The following SERGEF variants were observed in gnomAD, a reference collection of about 807,000 sequenced individuals.
SERGEF encodes secretion regulating guanine nucleotide exchange factor, also known as secretion-regulating guanine nucleotide exchange factor.
SERGEF carries 51 observed loss-of-function variants against 50.0 expected under a neutral mutation model. The observed-to-expected ratio is 1.02, with a 90% CI of 0.81 to 1.29. SERGEF has a LOEUF of 1.29. SERGEF is among the 50% of genes most tolerant of loss of function. SERGEF has a pLI of 0.00. For synonymous variants in SERGEF, 205 were observed against 212.4 expected, an observed-to-expected ratio of 0.97 and a Z score of 0.30; for missense variants, 521 against 557.0, an observed-to-expected ratio of 0.94 and a Z score of 0.65.
At chr11:17,828,362 C>T (rs1379812318) in intron 10 of SERGEF, among the ~76,000 whole-genome samples, 1 of 152,196 alleles carries the variant, frequency 6.6e-6, no homozygotes, top group Non-Finnish European at 1.5e-5. Flanking sequence ...GCACCGGCAG[C>T]AGGAGTCTTT....
intron 9 of SERGEF, among the ~76,000 whole-genome samples, chr11:17,931,631 C>A (rs1287454372): frequency 6.6e-6 from 1 of 152,142 alleles, no homozygotes; most frequent in Non-Finnish European, 1.5e-5. Flanking sequence ...AAACTAGAAC[C>A]CAGTCCATAT....
chr11:17,947,517 C>G (rs993951698), intron 9 of SERGEF, among the ~76,000 whole-genome samples: 4 of 152,202 alleles, frequency 2.6e-5, no homozygotes, highest in Admixed American at 6.5e-5. Flanking sequence ...TTGGGTGGCT[C>G]TGTTTACCTC....
intron 9 of SERGEF, among the ~76,000 whole-genome samples, chr11:17,903,507 T>A (rs566543174): frequency 6.6e-6 from 1 of 152,184 alleles, no homozygotes; most frequent in Non-Finnish European, 1.5e-5. Flanking sequence ...TTACCCTAGA[T>A]AGATTGTAGA....
chr11:17,908,195 C>G (rs1366521605), intron 9 of SERGEF, among the ~76,000 whole-genome samples: 3 of 152,152 alleles, frequency 2.0e-5, no homozygotes, highest in Non-Finnish European at 4.4e-5. Context: ...CCCTCATCAC[C>G]TTCAGAACAA....
intron 10 of SERGEF, among the ~76,000 whole-genome samples, chr11:17,871,082 G>A (rs1851129640): frequency 6.6e-6 from 1 of 152,100 alleles, no homozygotes; most frequent in Non-Finnish European, 1.5e-5. Flanking sequence ...TCACAAAGAA[G>A]ACATAAGAAT....
At chr11:17,831,178 C>T (rs1850301850) in intron 10 of SERGEF, among the ~76,000 whole-genome samples, 1 of 152,318 alleles carries the variant, frequency 6.6e-6, no homozygotes, top group African/African-American at 2.4e-5. Flanking sequence ...CTGTCACCTA[C>T]CTCCAGAGAT....
chr11:17,933,729 T>C (rs1174772793), intron 9 of SERGEF, among the ~76,000 whole-genome samples: 1 of 141,900 alleles, frequency 7.0e-6, no homozygotes, highest in African/African-American at 2.6e-5. Flanking sequence ...AAAAAAAAAA[T>C]GCTGTTTTAA....
chr11:17,924,041 C>T (rs953407152), intron 9 of SERGEF, among the ~76,000 whole-genome samples: 1 of 152,170 alleles, frequency 6.6e-6, no homozygotes, highest in Non-Finnish European at 1.5e-5. Context: ...ATAATAATCT[C>T]TACACCCAAG....
chr11:17,892,548 A>G (rs1402667341), intron 9 of SERGEF, among the ~76,000 whole-genome samples: 3 of 152,212 alleles, frequency 2.0e-5, no homozygotes, highest in Non-Finnish European at 4.4e-5. Context: ...ACATGAACAA[A>G]TAACTGTTTC....
Position 18,002,037 on chromosome 11 carries a change from C to T in SERGEF, c.448-1480G>A, listed in dbSNP as rs539167146. The T allele has an allele frequency of 7.9e-3, 3,585 of 456,196 alleles. 28 individuals carry two copies. Among genetic ancestry groups the T allele is most frequent in the South Asian group, 0.016 (1,057 of 64,536 alleles). The allele number at this position is 456,196 out of a possible 1,614,324, so 28.3% of individuals were successfully genotyped here. The stretch of plus-strand genomic sequence containing the variant: ...GCAGAAAGGGCTGAGCTTTGGCCTT[C>T]CTTCTTCTGGAAACTATACTTCTGT... On this transcript the variant is annotated intron_variant, in intron 4 of 10. Coordinates refer to ENST00000265965, the MANE Select transcript of SERGEF (RefSeq NM_012139.4).
intron 9 of SERGEF, among the ~76,000 whole-genome samples, chr11:17,919,751 G>A (rs964127831): frequency 6.6e-6 from 1 of 152,056 alleles, no homozygotes; most frequent in African/African-American, 2.4e-5. Context: ...CTTTGCACTG[G>A]GACATGCTTC....
chr11:17,913,154 G>A (rs918789752), intron 9 of SERGEF, among the ~76,000 whole-genome samples: 2 of 152,166 alleles, frequency 1.3e-5, no homozygotes, highest in African/African-American at 4.8e-5. Flanking sequence ...GGATGCACTG[G>A]CTACCCGCAG....
intron 9 of SERGEF, among the ~76,000 whole-genome samples, chr11:17,934,142 G>C (rs777956686): frequency 1.3e-5 from 2 of 151,922 alleles, no homozygotes; most frequent in Non-Finnish European, 2.9e-5. Flanking sequence ...TATTGTCCAG[G>C]TATAGATATC....
intron 9 of SERGEF, among the ~76,000 whole-genome samples, chr11:17,941,892 G>C (rs1487883290): frequency 6.6e-6 from 1 of 152,128 alleles, no homozygotes; most frequent in Non-Finnish European, 1.5e-5. Context: ...GGGATGTTGA[G>C]CAACTTTTCA....
chr11:17,901,754 C>A (rs1021088859), intron 9 of SERGEF, among the ~76,000 whole-genome samples: 6 of 152,222 alleles, frequency 3.9e-5, no homozygotes, highest in African/African-American at 1.4e-4. Flanking sequence ...ACCATAACTA[C>A]AGTTCTCATG....
intron 10 of SERGEF, among the ~76,000 whole-genome samples, chr11:17,870,061 C>T (rs1484965580): frequency 6.6e-6 from 1 of 152,184 alleles, no homozygotes; most frequent in Non-Finnish European, 1.5e-5. Context: ...AGTAAATTCT[C>T]ATGAGATCTG....
chr11:17,827,901 A>T (rs1850228962), intron 10 of SERGEF, among the ~76,000 whole-genome samples: 2 of 152,206 alleles, frequency 1.3e-5, no homozygotes, highest in South Asian at 4.1e-4. Flanking sequence ...TTTGTATAAG[A>T]AATGTTTGTG....
intron 5 of SERGEF, chr11:17,999,671 AGACT>A: frequency 2.4e-6 from 1 of 420,774 alleles, no homozygotes; most frequent in South Asian, 1.8e-5. Flanking sequence ...CCTCACACAC[AGACT>A]GTCAGTCCCA....
At chr11:17,828,618 G>A (rs1850243825) in intron 10 of SERGEF, among the ~76,000 whole-genome samples, 1 of 152,196 alleles carries the variant, frequency 6.6e-6, no homozygotes, top group Non-Finnish European at 1.5e-5. Context: ...ACAAGACAGA[G>A]TTGTTCATAA....
Sources: gnomAD v4.1 joint callset for allele counts (sites outside exome capture counted in the v4.1 genomes callset) on GRCh38, gnomAD v4.1.1 for gene constraint, MANE v1.5 for transcripts, NCBI Gene and HGNC (gene_info 2026-07-23, HGNC 2026-07-21) for gene names.